PRKN: variants seen among roughly 807,000 people sequenced by gnomAD.
PRKN encodes E3 ubiquitin-protein ligase parkin.
PRKN carries 56 observed loss-of-function variants against 59.5 expected under a neutral mutation model. The ratio of observed to expected loss-of-function variants is 0.94; its 90% CI spans 0.76 to 1.18. The LOEUF (loss-of-function observed/expected upper bound fraction) is 1.18. PRKN is among the 50% of genes most tolerant of loss of function. The probability of loss-of-function intolerance (pLI) is 0.00; values close to 1 mark genes in which losing one functional copy is unlikely to be tolerated. For missense variants in PRKN, 657 were observed against 596.4 expected (o/e 1.10, Z -1.06); for synonymous variants, 250 against 222.1 (o/e 1.13, Z -1.12).
intron 7 of PRKN, among the ~76,000 whole-genome samples, chr6:161,664,956 T>C (rs994853577): frequency 2.0e-4 from 30 of 151,952 alleles, no homozygotes; most frequent in African/African-American, 7.0e-4. Context: ...ACCTGGCTAA[T>C]TTTGTAATTG....
At chr6:162,048,976 T>G (rs899966326) in intron 5 of PRKN, among the ~76,000 whole-genome samples, 3 of 152,152 alleles carry the variant, frequency 2.0e-5, no homozygotes, top group African/African-American at 7.2e-5. Flanking sequence ...TCCTTTGAGC[T>G]GACCGGAATT....
chr6:161,642,702 G>A (rs1783787898), intron 7 of PRKN, among the ~76,000 whole-genome samples: 4 of 152,162 alleles, frequency 2.6e-5, no homozygotes, highest in Admixed American at 2.6e-4. Context: ...AAAGTCAGTG[G>A]AGGAATTGGG....
At chr6:162,312,370 C>T (rs1386812106) in intron 2 of PRKN, among the ~76,000 whole-genome samples, 2 of 152,042 alleles carry the variant, frequency 1.3e-5, no homozygotes. Context: ...TTCATTTCTC[C>T]AACCTGTCAA....
At chr6:161,539,136 T>C (rs1301590936) in intron 9 of PRKN, among the ~76,000 whole-genome samples, 1 of 152,236 alleles carries the variant, frequency 6.6e-6, no homozygotes, top group Non-Finnish European at 1.5e-5. Flanking sequence ...AATACAGATA[T>C]GTGCAAAGTT....
chr6:161,992,661 G>A (rs1781695301), intron 5 of PRKN, among the ~76,000 whole-genome samples: 1 of 152,086 alleles, frequency 6.6e-6, no homozygotes, highest in Admixed American at 6.5e-5. Context: ...TCTTCTCATC[G>A]GCACATGGAA....
chr6:161,732,826 C>G (rs1275144107), intron 7 of PRKN, among the ~76,000 whole-genome samples: 1 of 152,108 alleles, frequency 6.6e-6, no homozygotes, highest in African/African-American at 2.4e-5. Flanking sequence ...TCTCGATGAC[C>G]TGGTCTCATG....
At chr6:162,011,117 T>TTATA (rs1782630786) in intron 5 of PRKN, among the ~76,000 whole-genome samples, 1 of 2,522 alleles carries the variant, frequency 4.0e-4, no homozygotes, top group Non-Finnish European at 5.5e-4. Context: ...TAATATATAA[T>TTATA]ATATTTATAA....
intron 2 of PRKN, among the ~76,000 whole-genome samples, chr6:162,308,554 G>T (rs1782337968): frequency 6.6e-6 from 1 of 152,116 alleles, no homozygotes; most frequent in South Asian, 2.1e-4. Context: ...TTCTGCTTCT[G>T]TTCTTTCTGT....
intron 4 of PRKN, among the ~76,000 whole-genome samples, chr6:162,175,199 A>G (rs1488552692): frequency 2.0e-5 from 3 of 152,204 alleles, no homozygotes; most frequent in Non-Finnish European, 2.9e-5. Context: ...GTCTCCCTCC[A>G]GGCAAGCTGT....
chr6:162,069,713 A>C (rs887429764), intron 4 of PRKN, among the ~76,000 whole-genome samples: 13 of 152,346 alleles, frequency 8.5e-5, no homozygotes, highest in Non-Finnish European at 1.6e-4. Context: ...AGAAAGGATT[A>C]ATTGTTCCTA....
Position 161,845,343 on chromosome 6 carries a change from C to T in PRKN, c.735-59435G>A, listed in dbSNP as rs546347543. Among the ~76,000 whole-genome samples the T allele has an allele frequency of 3.1e-3, 476 of 152,146 alleles. 3 individuals carry two copies. Among genetic ancestry groups the T allele is most frequent in the African/African-American group, 0.011 (447 of 41,502 alleles). On this transcript the variant is annotated intron_variant, in intron 6 of 11. Coordinates refer to ENST00000366898, the MANE Select transcript of PRKN (RefSeq NM_004562.3). ...ATATCATCACTGTCTTCACGTGGAA[C>T]GAGGAAAAAATGTCTAGGAAGCACT... is the stretch of plus-strand genomic sequence containing the variant.
intron 1 of PRKN, among the ~76,000 whole-genome samples, chr6:162,543,081 T>G (rs994345851): frequency 1.3e-5 from 2 of 152,140 alleles, no homozygotes; most frequent in Non-Finnish European, 1.5e-5. Context: ...CCCCTGGTCT[T>G]TCTTTCTCTA....
intron 5 of PRKN, among the ~76,000 whole-genome samples, chr6:162,010,872 A>AT (rs1478103317): frequency 0.01 from 68 of 6,612 alleles, 22 homozygotes; most frequent in Middle Eastern, 0.17. Flanking sequence ...AATATATTAT[A>AT]AAATATATTA....
intron 5 of PRKN, among the ~76,000 whole-genome samples, chr6:162,023,105 G>A (rs1055473049): frequency 2.6e-5 from 4 of 151,906 alleles, no homozygotes; most frequent in Admixed American, 6.6e-5. Flanking sequence ...CTTCTTCAGA[G>A]CCCTGCTGCT....
intron 1 of PRKN, among the ~76,000 whole-genome samples, chr6:162,665,464 C>T (rs1954911): frequency 0.92 from 139,205 of 151,954 alleles, 63,923 homozygotes; most frequent in East Asian, 0.98. Flanking sequence ...TACCTAGGAA[C>T]ACAGCCAACA....
At chr6:162,603,983 C>G (rs570763412) in intron 1 of PRKN, among the ~76,000 whole-genome samples, 52 of 152,172 alleles carry the variant, frequency 3.4e-4, no homozygotes, top group African/African-American at 1.2e-3. Context: ...GGATGGATAC[C>G]AAGCAGAGGC....
chr6:162,045,138 G>C (rs944893156), intron 5 of PRKN, among the ~76,000 whole-genome samples: 2 of 152,132 alleles, frequency 1.3e-5, no homozygotes, highest in Non-Finnish European at 2.9e-5. Context: ...CCATTTTTGT[G>C]AAGTCTTCTC....
At chr6:161,961,632 G>C (rs1320260470) in intron 6 of PRKN, among the ~76,000 whole-genome samples, 6 of 152,128 alleles carry the variant, frequency 3.9e-5, no homozygotes, top group African/African-American at 1.4e-4. Flanking sequence ...ACCTTCACCT[G>C]CTAGAGAGTG....
Position 162,133,315 on chromosome 6 carries a change from C to T in PRKN, c.534+67816G>A, listed in dbSNP as rs190098204. ...GTCTAGCTGGAGGTAGCGTCAGCAA[C>T]GCTGCTGATGGATTAGATGGGGGCC... On this transcript the variant is annotated intron_variant, in intron 4 of 11. Coordinates refer to ENST00000366898, the MANE Select transcript of PRKN (RefSeq NM_004562.3). Among the ~76,000 whole-genome samples the T allele has an allele frequency of 9.3e-4, 141 of 152,238 alleles. 1 individual carries two copies. In the East Asian group the frequency reaches 0.019, roughly 21 times the overall value.
Sources: gnomAD v4.1 joint callset for allele counts (sites outside exome capture counted in the v4.1 genomes callset) on GRCh38, gnomAD v4.1.1 for gene constraint, MANE v1.5 for transcripts, NCBI Gene and HGNC (gene_info 2026-07-23, HGNC 2026-07-21) for gene names.